The following HNRNPU variants were observed in gnomAD, a reference collection of about 807,000 sequenced individuals.
HNRNPU encodes the protein heterogeneous nuclear ribonucleoprotein U, also known as HNRNPU antisense RNA 1.
HNRNPU carries 5 observed loss-of-function variants against 94.7 expected under a neutral mutation model. The observed-to-expected ratio is 0.05, with a 90% CI of 0.03 to 0.11. The LOEUF (loss-of-function observed/expected upper bound fraction) is 0.11. Among genes scored for constraint, HNRNPU ranks in the 10% least tolerant of loss-of-function variants. The pLI, the probability that HNRNPU is intolerant of heterozygous loss-of-function variation, is 1.00. For missense variants in HNRNPU, 710 were observed against 1,049.2 expected, an observed-to-expected ratio of 0.68 and a Z score of 4.47; for synonymous variants, 434 against 381.6, an observed-to-expected ratio of 1.14 and a Z score of -1.60.
In HNRNPU at chr1:244,858,603, AC is replaced by A. The variant is rs147249717; in HGVS notation, c.1230+125del. ...TTCAACTGCTGAATGAAGTCTTTACACTAATCCAGGGACTGGTGTATTTTGT... is the reference window on the plus strand; with the variant it reads ...TTCAACTGCTGAATGAAGTCTTTACATAATCCAGGGACTGGTGTATTTTGT... On this transcript the variant is annotated intron_variant, in intron 6 of 13. Coordinates refer to ENST00000640218, the MANE Select transcript of HNRNPU (RefSeq NM_031844.3). 1.6e-3 allele frequency: 1,080 copies of A among 658,958 alleles called. 9 individuals are homozygous for A. In the African/African-American group the frequency reaches 0.018, roughly 11 times the overall value. The allele number at this position is 658,958 out of a possible 1,614,324, so 40.8% of individuals were successfully genotyped here.
rs56937404 is a variant in HNRNPU, at chr1:244,862,395, T to TAAAAAAAAAAA, written c.877+55_877+65dup. ...TGCTGCACTTAAGCATTAAGACTTC[T>TAAAAAAAAAAA]AAAAAAAAAAAAAAAAAAACCACCA... On this transcript the variant is annotated intron_variant, in intron 3 of 13. Transcript: ENST00000640218. The TAAAAAAAAAAA allele has an allele frequency of 4.8e-4, 380 of 798,988 alleles. 4 individuals carry two copies. The highest frequency in any genetic ancestry group is 1.8e-3 in the Middle Eastern group (5 of 2,832). 49.5% of individuals were successfully genotyped at this position (798,988 alleles called of 1,614,324 possible).
chr1:244,855,549 C>T lies in HNRNPU; in HGVS notation c.2227G>A (p.Gly743Ser), dbSNP rs144984907. The stretch of plus-strand genomic sequence containing the variant: ...TAGCCGATTCCACCACTTCCTCCAC[C>T]GCCACCACCTCTCTGTGGCATGTTG... ...RGNMPQRGGG[G>S]GGSGGIGYPY... Residue 743 changes from glycine to serine, a missense_variant, in exon 12 of 14, where the codon GGT becomes AGT. Physicochemically the swap from Gly to Ser is moderately conservative, Grantham distance 56. Around this residue, in one of 8 missense-constraint regions of HNRNPU, gnomAD observed 152 missense variants for 238.9 expected, o/e 0.64. Transcript: ENST00000640218. The T allele has an allele frequency of 2.9e-5, 47 of 1,614,062 alleles. No homozygotes were observed. In the African/African-American group the frequency reaches 5.2e-4, roughly 18 times the overall value.
At chr1:244,857,804 C>CG in intron 7 of HNRNPU, 87 bp from the exon 8 acceptor site, 1 of 1,501,990 alleles carries the variant, frequency 6.7e-7, no homozygotes, top group East Asian at 2.3e-5. Context: ...ATTTAAATAT[C>CG]TAAGTTTTCA....
chr1:244,860,634 C>G (rs544389287), intron 3 of HNRNPU, 160 bp from the exon 4 acceptor site: 1 of 617,560 alleles, frequency 1.6e-6, no homozygotes, highest in Non-Finnish European at 2.9e-6. Flanking sequence ...TAAAGCCCCA[C>G]TCCCACCAAG....
Position 244,862,496 on chromosome 1 carries a change from T to C in HNRNPU, c.842A>G (p.Glu281Gly). The change falls in exon 3 of 14, where the codon GAA (glutamate) becomes GGA (glycine). Residue 281 changes from glutamate (E) to glycine (G), a missense_variant. This residue lies in a region of HNRNPU where 22 missense variants were observed against 16.7 expected (regional missense o/e 1.32). Coordinates refer to ENST00000640218, the MANE Select transcript of HNRNPU (RefSeq NM_031844.3). ...ACAAACCACTGTGTCATCGAAGTGT[T>C]CATCTTCTTCTTCAACAGGTGGCTG... ...SPQPPVEEED[E>G]HFDDTVVCLD... 1 of 1,613,810 alleles carries C rather than the reference T, an allele frequency of 6.2e-7. No individual in the cohort carries two copies. The highest frequency in any genetic ancestry group is 8.5e-7 in the Non-Finnish European group (1 of 1,179,896).
At chr1:244,855,393 A>T in intron 12 of HNRNPU, 31 bp downstream of exon 12, 1 of 1,601,518 alleles carries the variant, frequency 6.2e-7, no homozygotes, top group South Asian at 1.1e-5. Context: ...TACAGTTATC[A>T]ATCATGCTTC....
intron 1 of HNRNPU, 88 bp from the exon 2 acceptor site, chr1:244,862,818 T>TA (rs1267637012): frequency 2.3e-6 from 2 of 876,248 alleles, no homozygotes; most frequent in Non-Finnish European, 3.8e-6. Flanking sequence ...AGCTCGACTT[T>TA]ATCCTGCTTT....
At chr1:244,855,685 T>G (rs1407142954) in intron 11 of HNRNPU, 77 bp from the exon 12 acceptor site, 2 of 1,466,234 alleles carry the variant, frequency 1.4e-6, no homozygotes, top group Non-Finnish European at 1.9e-6. Flanking sequence ...TCCTCTAGAT[T>G]GTTCCTTTTT....
chr1:244,863,269 G>A (rs554531431), intron 1 of HNRNPU, among the ~76,000 whole-genome samples: 5 of 145,540 alleles, frequency 3.4e-5, no homozygotes, highest in Admixed American at 2.0e-4. Flanking sequence ...CGCGCACGCA[G>A]CGCGACGGCG....
rs769259590 is a variant in HNRNPU, at chr1:244,854,162, T to TAAA, written c.*285_*287dup. On this transcript the variant is annotated 3_prime_UTR_variant, in exon 14 of 14. Transcript: ENST00000640218. Reference sequence around the variant, plus strand: ...AAGCAACATTTTACTTCTGTTGTGATAAAAAAAAAAAAAAGTCACATTTTA... The same window carrying TAAA: ...AAGCAACATTTTACTTCTGTTGTGATAAAAAAAAAAAAAAAAAGTCACATTTTA... The TAAA allele has an allele frequency of 1.1e-4, 27 of 236,032 alleles. No homozygotes were observed. The highest frequency in any genetic ancestry group is 1.3e-4 in the South Asian group (2 of 15,614). 14.6% of individuals were successfully genotyped at this position (236,032 alleles called of 1,614,324 possible). A position where few individuals can be genotyped will look rare whatever the true frequency, so the allele number is the denominator to read the frequency against.
rs539281556 is a variant in HNRNPU at position 244,855,894 on chromosome 1, A to G, written c.2167+10T>C. On this transcript the variant is annotated intron_variant, in intron 11 of 13. Coordinates refer to ENST00000640218, the MANE Select transcript of HNRNPU (RefSeq NM_031844.3). ...CTGAACTAAATACAGAACACTCAAA[A>G]TTAACTTGCCTCCTCCTCTGAAATT... 1 of 1,612,990 alleles carries G rather than the reference A, an allele frequency of 6.2e-7. No individual in the cohort carries two copies. Among genetic ancestry groups the G allele is most frequent in the South Asian group, 1.1e-5 (1 of 90,910 alleles).
At chr1:244,855,246 TAC>T in intron 12 of HNRNPU, 176 bp downstream of exon 12, 1 of 741,630 alleles carries the variant, frequency 1.3e-6, no homozygotes, top group Non-Finnish European at 2.3e-6. Context: ...ACTTGTTTAG[TAC>T]ACCTGAAAAA....
intron 3 of HNRNPU, chr1:244,862,217 A>G (rs1354285205): frequency 7.5e-6 from 3 of 400,056 alleles, no homozygotes; most frequent in African/African-American, 6.2e-5. Flanking sequence ...TACATTTCCT[A>G]AGAATGAGAA....
rs1385721698 is a variant in HNRNPU, at chr1:244,863,482, GC to G, written c.691+134del. The G allele has an allele frequency of 2.0e-5, 21 of 1,037,560 alleles. No individual in the cohort carries two copies. The Admixed American group carries it at 4.9e-4, about 24-fold the overall frequency. 64.3% of individuals were successfully genotyped at this position (1,037,560 alleles called of 1,614,324 possible). On this transcript the variant is annotated intron_variant, in intron 1 of 13. Transcript: ENST00000640218. ...TCTCGGCTAATCTGGGATTCCCCGC[GC>G]CCCCTCCCCCACCCTCACCGCGGCG... is the stretch of plus-strand genomic sequence containing the variant.
chr1:244,853,881 G>GT lies in HNRNPU; in HGVS notation c.*568dup, dbSNP rs1346724520. 1 of 152,470 alleles carries GT rather than the reference G, an allele frequency of 6.6e-6. No homozygotes were observed. The highest frequency in any genetic ancestry group is 1.5e-5 in the Non-Finnish European group (1 of 68,034). 9.4% of individuals were successfully genotyped at this position (152,470 alleles called of 1,614,324 possible). A position where few individuals can be genotyped will look rare whatever the true frequency, so the allele number is the denominator to read the frequency against. Reference sequence around the variant, plus strand: ...CAATCCCAATTATACCAATTCCATTGTTATTTTAAGAAAAAACCTTCCCAG... The same window carrying GT: ...CAATCCCAATTATACCAATTCCATTGTTTATTTTAAGAAAAAACCTTCCCAG... On this transcript the variant is annotated 3_prime_UTR_variant, in exon 14 of 14. Coordinates refer to ENST00000640218, the MANE Select transcript of HNRNPU (RefSeq NM_031844.3).
rs1680618540 is a variant in HNRNPU, at chr1:244,854,204, C to A, written c.*246G>T. On this transcript the variant is annotated 3_prime_UTR_variant, in exon 14 of 14. Coordinates refer to ENST00000640218, the MANE Select transcript of HNRNPU (RefSeq NM_031844.3). ...CACATTTTACAGATAAAATGTAGAA[C>A]CCTGAAATACTGACACATTCTCTTA... 14 of 384,018 alleles carry A rather than the reference C, an allele frequency of 3.6e-5. No individual in the cohort carries two copies. The highest frequency in any genetic ancestry group is 8.6e-5 in the South Asian group (2 of 23,276). The allele number at this position is 384,018 out of a possible 1,614,324, so 23.8% of individuals were successfully genotyped here.
intron 1 of HNRNPU, among the ~76,000 whole-genome samples, 178 bp downstream of exon 1, chr1:244,863,439 C>G (rs1397348698): frequency 1.3e-5 from 2 of 151,074 alleles, no homozygotes; most frequent in Admixed American, 6.6e-5. Context: ...CGCACACACA[C>G]GCCCCGAGCC....
rs2102985318 is a variant in HNRNPU at position 244,855,922 on chromosome 1, C to T, written c.2149G>A (p.Gly717Arg). 1 of 1,613,878 alleles carries T rather than the reference C, an allele frequency of 6.2e-7. No individual in the cohort carries two copies. Among genetic ancestry groups the T allele is most frequent in the Non-Finnish European group, 8.5e-7 (1 of 1,179,914 alleles). The change falls in exon 11 of 14, where the codon GGA becomes AGA. Residue 717 changes from glycine to arginine, a missense_variant. Transcript: ENST00000640218. ...AACTTGCCTCCTCCTCTGAAATTTC[C>T]ACCACGCATATTGAATCCTCCACGT... ...RGRGGFNMRG[G>R]NFRGGAPGNR...
intron 8 of HNRNPU, 81 bp downstream of exon 8, chr1:244,857,517 G>A (rs1031344331): frequency 2.1e-6 from 3 of 1,406,666 alleles, no homozygotes. Context: ...AAAATGCTGA[G>A]ATTACAGGCG....
Sources: gnomAD v4.1 joint callset for allele counts (sites outside exome capture counted in the v4.1 genomes callset) on GRCh38, gnomAD v4.1.1 for gene constraint, gnomAD v4.1.1 regional missense constraint, MANE v1.5 for transcripts, NCBI Gene and HGNC (gene_info 2026-07-23, HGNC 2026-07-21) for gene names.